Variants in USP34 observed in about 807,000 individuals in gnomAD.
The protein encoded by USP34 is ubiquitin carboxyl-terminal hydrolase 34.
In USP34, 70 loss-of-function variants were observed where a neutral mutation model predicts 460.3. The ratio of observed to expected loss-of-function variants is 0.15; its 90% CI spans 0.13 to 0.19. The LOEUF is 0.19. Ranked by LOEUF, USP34 falls within the 10% of genes least tolerant of loss-of-function variation. USP34 has a pLI of 1.00. For synonymous variants in USP34, 1,647 were observed against 1,405.3 expected, an observed-to-expected ratio of 1.17 and a Z score of -3.85; for missense variants, 3,985 against 4,236.2, an observed-to-expected ratio of 0.94 and a Z score of 1.65.
intron 78 of USP34, chr2:61,189,463 A>G (rs969059934): frequency 2.3e-4 from 29 of 128,354 alleles, no homozygotes; most frequent in Non-Finnish European, 4.2e-4. Context: ...TAGTAGAGAC[A>G]GGGTTTCACC....
At chr2:61,387,691 A>G (rs9678189) in intron 5 of USP34, among the ~76,000 whole-genome samples, 21,376 of 139,286 alleles carry the variant, frequency 0.15, 1,804 homozygotes, top group South Asian at 0.32. Flanking sequence ...ATATTTTTAC[A>G]TATACACACA....
intron 1 of USP34, among the ~76,000 whole-genome samples, chr2:61,444,899 A>G (rs1278690397): frequency 7.0e-6 from 1 of 142,768 alleles, no homozygotes; most frequent in African/African-American, 2.7e-5. Context: ...TTTCTTGCCT[A>G]TTAAACTCTG....
chr2:61,287,501 G>A (rs947266892), intron 34 of USP34, among the ~76,000 whole-genome samples: 1 of 152,090 alleles, frequency 6.6e-6, no homozygotes, highest in African/African-American at 2.4e-5. Flanking sequence ...CTTGTATCTG[G>A]GTTTTCTCCC....
At chr2:61,395,123 A>G (rs1282325707) in intron 4 of USP34, 60 bp downstream of exon 4, 2 of 1,449,154 alleles carry the variant, frequency 1.4e-6, no homozygotes, top group Non-Finnish European at 1.9e-6. Context: ...AAACATATGG[A>G]TGAGGCTTTG....
At chr2:61,263,486 CTT>C (rs762461093) in intron 43 of USP34, among the ~76,000 whole-genome samples, 4 of 137,582 alleles carry the variant, frequency 2.9e-5, no homozygotes, top group Non-Finnish European at 3.2e-5. Context: ...TGGCCAAAGG[CTT>C]TTTTTTTTTT....
intron 1 of USP34, among the ~76,000 whole-genome samples, chr2:61,436,895 G>A (rs1438066981): frequency 6.6e-6 from 1 of 152,150 alleles, no homozygotes; most frequent in Admixed American, 6.6e-5. Context: ...AGAAATGCTG[G>A]AAACTATACC....
At chr2:61,286,001 C>T (rs768179893) in intron 34 of USP34, among the ~76,000 whole-genome samples, 1 of 152,134 alleles carries the variant, frequency 6.6e-6, no homozygotes, top group Non-Finnish European at 1.5e-5. Context: ...CCACAGAAAA[C>T]ATGGTTAACA....
chr2:61,308,375 A>C (rs1339620979), intron 27 of USP34, among the ~76,000 whole-genome samples: 1 of 152,164 alleles, frequency 6.6e-6, no homozygotes, highest in Non-Finnish European at 1.5e-5. Flanking sequence ...ATGACAGTAG[A>C]AATGAAAAAC....
chr2:61,432,268 G>A (rs979260426), intron 1 of USP34, among the ~76,000 whole-genome samples: 32 of 151,974 alleles, frequency 2.1e-4, no homozygotes, highest in African/African-American at 2.9e-4. Context: ...GAATTCAGGC[G>A]TTCAAGACCA....
At chr2:61,450,115 G>C (rs1695228728) in intron 1 of USP34, among the ~76,000 whole-genome samples, 1 of 151,700 alleles carries the variant, frequency 6.6e-6, no homozygotes, top group Non-Finnish European at 1.5e-5. Context: ...AAAAAGGACT[G>C]AAGTACTGGC....
intron 1 of USP34, among the ~76,000 whole-genome samples, chr2:61,427,985 A>C (rs1280584705): frequency 2.0e-5 from 3 of 151,986 alleles, no homozygotes; most frequent in African/African-American, 4.8e-5. Flanking sequence ...CAACATGGTG[A>C]AACCCCGTCT....
Position 61,223,040 on chromosome 2 carries a change from G to A in USP34, c.7749+20C>T. ...TTTTAAAATTTCCAAAAATCTTTAA[G>A]ACTGTTCCTTAGCACTTACATGTTC... On this transcript the variant is annotated intron_variant, in intron 64 of 79. Coordinates refer to ENST00000398571, the MANE Select transcript of USP34 (RefSeq NM_014709.4). 1.9e-6 allele frequency: 3 copies of A among 1,593,960 alleles called. No homozygotes were observed. Among genetic ancestry groups the A allele is most frequent in the Non-Finnish European group, 2.6e-6 (3 of 1,167,106 alleles).
chr2:61,437,720 C>T (rs940288994), intron 1 of USP34, among the ~76,000 whole-genome samples: 1 of 151,706 alleles, frequency 6.6e-6, no homozygotes, highest in Non-Finnish European at 1.5e-5. Flanking sequence ...TTGCAGTGAG[C>T]CCAGATTGTA....
chr2:61,371,652 T>C (rs1254817594), intron 8 of USP34, among the ~76,000 whole-genome samples: 1 of 152,178 alleles, frequency 6.6e-6, no homozygotes, highest in Non-Finnish European at 1.5e-5. Context: ...ATAATTTGTA[T>C]AGCCTAAGTG....
chr2:61,385,021 G>C (rs1693092611), intron 5 of USP34, among the ~76,000 whole-genome samples: 1 of 152,016 alleles, frequency 6.6e-6, no homozygotes, highest in Non-Finnish European at 1.5e-5. Flanking sequence ...CTGCTGCTAG[G>C]TTAATATAAA....
At chr2:61,360,862 G>A (rs1253262499) in intron 10 of USP34, among the ~76,000 whole-genome samples, 2 of 152,174 alleles carry the variant, frequency 1.3e-5, no homozygotes, top group African/African-American at 2.4e-5. Flanking sequence ...TCAGCATGTT[G>A]CTCAGGCTAG....
intron 12 of USP34, 63 bp from the exon 13 acceptor site, chr2:61,349,348 G>A (rs903017027): frequency 4.8e-5 from 73 of 1,522,616 alleles, no homozygotes; most frequent in Admixed American, 1.6e-4. Flanking sequence ...TTGAGACAGC[G>A]TATCAGTTGT....
At chr2:61,209,600 G>A (rs565144056) in intron 69 of USP34, among the ~76,000 whole-genome samples, 1 of 152,330 alleles carries the variant, frequency 6.6e-6, no homozygotes, top group African/African-American at 2.4e-5. Context: ...TGTACTGCCA[G>A]TCTTGTAAGT....
intron 20 of USP34, among the ~76,000 whole-genome samples, chr2:61,326,809 G>A (rs573120168): frequency 5.8e-5 from 8 of 138,940 alleles, no homozygotes; most frequent in Admixed American, 1.5e-4. Context: ...TTGCCGAAAC[G>A]GAGTTTCACA....
Sources: gnomAD v4.1 joint callset for allele counts (sites outside exome capture counted in the v4.1 genomes callset) on GRCh38, gnomAD v4.1.1 for gene constraint, MANE v1.5 for transcripts, NCBI Gene and HGNC (gene_info 2026-07-23, HGNC 2026-07-21) for gene names.